The following STOX2 variants were observed in gnomAD, a reference collection of about 807,000 sequenced individuals.
STOX2 encodes storkhead box 2, also known as storkhead-box protein 2.
A neutral mutation model predicts 60.9 loss-of-function variants in STOX2; 28 were observed. The observed-to-expected ratio is 0.46, with a 90% CI of 0.34 to 0.63. The LOEUF (loss-of-function observed/expected upper bound fraction) is 0.63. STOX2 is among the 30% of genes least tolerant of loss of function. The pLI is 0.01. For synonymous variants in STOX2, 472 were observed against 463.9 expected, an observed-to-expected ratio of 1.02 and a Z score of -0.22; for missense variants, 1,024 against 1,187.7, an observed-to-expected ratio of 0.86 and a Z score of 2.03.
chr4:183,799,048 G>T (rs1738700599), intron 1 of STOX2, among the ~76,000 whole-genome samples: 1 of 152,302 alleles, frequency 6.6e-6, no homozygotes, highest in South Asian at 2.1e-4. Flanking sequence ...CTGTAAAGCC[G>T]CCTTTTCTCG....
At chr4:183,900,296 G>A (rs371367392) in intron 1 of STOX2, among the ~76,000 whole-genome samples, 1 of 152,146 alleles carries the variant, frequency 6.6e-6, no homozygotes, top group African/African-American at 2.4e-5. Flanking sequence ...CATGGATTAA[G>A]GAGTAATTTT....
At chr4:183,841,657 G>T (rs923150523) in intron 1 of STOX2, among the ~76,000 whole-genome samples, 1 of 152,116 alleles carries the variant, frequency 6.6e-6, no homozygotes, top group South Asian at 2.1e-4. Flanking sequence ...CAACTTTTTA[G>T]AATAGGTAAG....
At chr4:183,948,218 C>CAA (rs760286920) in intron 1 of STOX2, among the ~76,000 whole-genome samples, 8,909 of 29,866 alleles carry the variant, frequency 0.3, 3,379 homozygotes, top group Middle Eastern at 0.46. Context: ...AACTCCATCT[C>CAA]AAAAAAAAAA....
At chr4:183,922,458 G>A (rs1047888837) in intron 1 of STOX2, among the ~76,000 whole-genome samples, 2 of 151,376 alleles carry the variant, frequency 1.3e-5, no homozygotes, top group African/African-American at 4.9e-5. Flanking sequence ...GCAATTCTCT[G>A]CCTCAGCCTC....
chr4:183,866,439 C>A (rs1006579990), intron 1 of STOX2, among the ~76,000 whole-genome samples: 2 of 152,140 alleles, frequency 1.3e-5, no homozygotes, highest in African/African-American at 4.8e-5. Context: ...GAGTAGGATG[C>A]TTCAGCCTTC....
chr4:183,913,043 A>T (rs1741826264), intron 1 of STOX2, among the ~76,000 whole-genome samples: 4 of 152,166 alleles, frequency 2.6e-5, no homozygotes, highest in Non-Finnish European at 5.9e-5. Context: ...TGCAAGTGAA[A>T]CTGGAGTTCC....
chr4:184,006,044 T>A (rs978717468), intron 2 of STOX2, among the ~76,000 whole-genome samples: 3 of 152,216 alleles, frequency 2.0e-5, no homozygotes, highest in Non-Finnish European at 4.4e-5. Flanking sequence ...TAAGTAAAGA[T>A]GTTTGCATTG....
intron 1 of STOX2, among the ~76,000 whole-genome samples, chr4:183,976,349 T>C (rs1241511886): frequency 4.6e-5 from 7 of 152,040 alleles, no homozygotes; most frequent in African/African-American, 1.4e-4. Context: ...GTCAATGTAA[T>C]CTATCATATT....
chr4:183,932,829 G>A (rs1276982565), intron 1 of STOX2, among the ~76,000 whole-genome samples: 2 of 152,202 alleles, frequency 1.3e-5, no homozygotes, highest in African/African-American at 2.4e-5. Flanking sequence ...TGTGGAAGAT[G>A]TGGGTGTTTC....
At position 184,013,856 on chromosome 4, in the gene STOX2, A is replaced by G. The variant is rs1341067501; in HGVS notation, c.2585+2433A>G. ...CAGGCTGGAGTGCAGTGGTGATTGT[A>G]GCTCACTGCCGCCTGGAACTCCTGG... On this transcript the variant is annotated intron_variant, in intron 3 of 3. Transcript: ENST00000308497. 2.0e-5 allele frequency among the ~76,000 whole-genome samples: 3 copies of G among 152,286 alleles called. No homozygotes were observed. The South Asian group carries it at 6.2e-4, about 32-fold the overall frequency.
At chr4:183,990,276 C>A (rs1379896137) in intron 1 of STOX2, among the ~76,000 whole-genome samples, 1 of 152,194 alleles carries the variant, frequency 6.6e-6, no homozygotes, top group East Asian at 1.9e-4. Flanking sequence ...TCCCTAATCA[C>A]CCCAACAGGA....
At position 184,010,648 on chromosome 4, in the gene STOX2, A is replaced by G. The variant is rs202151954; in HGVS notation, c.1810A>G (p.Asn604Asp). Residue 604 changes from asparagine to aspartate, a missense_variant, in exon 3 of 4, where the codon AAC becomes GAC. Around this residue, in one of 3 missense-constraint regions of STOX2, gnomAD observed 922 missense variants for 1,058.3 expected, o/e 0.87. Coordinates refer to ENST00000308497, the MANE Select transcript of STOX2 (RefSeq NM_020225.3). The surrounding 1 kb of genome is among the most constrained non-coding windows in gnomAD (Gnocchi z 4.5). ...AGCCACAGATGACTATTTCCAGTGCAACACCTCTAGTGAGACGGTGCTCAC... is the reference window on the plus strand; with the variant it reads ...AGCCACAGATGACTATTTCCAGTGCGACACCTCTAGTGAGACGGTGCTCAC... Reference protein sequence around the residue: ...KTATDDYFQCNTSSETVLTAP... With the variant: ...KTATDDYFQCDTSSETVLTAP... The G allele has an allele frequency of 1.2e-6, 2 of 1,613,964 alleles. No individual in the cohort carries two copies. The highest frequency in any genetic ancestry group is 1.7e-6 in the Non-Finnish European group (2 of 1,179,914).
At chr4:183,980,978 A>G (rs917385941) in intron 1 of STOX2, among the ~76,000 whole-genome samples, 7 of 152,220 alleles carry the variant, frequency 4.6e-5, no homozygotes, top group African/African-American at 1.4e-4. Flanking sequence ...AATTCCAGCT[A>G]AAAGAGCTCT....
In STOX2 at chr4:184,010,769, C is replaced by G; in HGVS notation, c.1931C>G (p.Pro644Arg). Residue 644 changes from proline to arginine, a missense_variant, in exon 3 of 4, where the codon CCC becomes CGC. This residue lies in a region of STOX2 where 922 missense variants were observed against 1,058.3 expected (regional missense o/e 0.87). Transcript: ENST00000308497. This position sits in a 1 kb window ranked among gnomAD's most constrained non-coding sequence, Gnocchi z 4.5. Reference sequence around the variant, plus strand: ...CTCTCCCCTTCTGATAGGCAGGTCCCCCACTCCTCCAGGGAGCCTGTGGGG... The same window carrying G: ...CTCTCCCCTTCTGATAGGCAGGTCCGCCACTCCTCCAGGGAGCCTGTGGGG... Reference protein sequence around the residue: ...KKLSPSDRQVPHSSREPVGHK... With the variant: ...KKLSPSDRQVRHSSREPVGHK... 6.3e-7 allele frequency: 1 copy of G among 1,581,338 alleles called. No homozygotes were observed. Among genetic ancestry groups the G allele is most frequent in the African/African-American group, 1.3e-5 (1 of 74,100 alleles).
At chr4:183,872,684 G>A (rs1341667971) in intron 1 of STOX2, among the ~76,000 whole-genome samples, 1 of 152,154 alleles carries the variant, frequency 6.6e-6, no homozygotes, top group Middle Eastern at 3.2e-3. Flanking sequence ...CTGTTGCTAG[G>A]GTAAGCGTGC....
chr4:184,011,904 A>T lies in STOX2; in HGVS notation c.2585+481A>T, dbSNP rs1734189968. On this transcript the variant is annotated intron_variant, in intron 3 of 3. Transcript: ENST00000308497. This position sits in a 1 kb window ranked among gnomAD's most constrained non-coding sequence, Gnocchi z 4.4. ...ATCTCAAAACCTCTCCAATGGATCT[A>T]GAAGCTTGTTGCCATTTGGATCCCA... Among the ~76,000 whole-genome samples the T allele has an allele frequency of 6.6e-6, 1 of 152,212 alleles. No individual in the cohort carries two copies. The highest frequency in any genetic ancestry group is 1.5e-5 in the Non-Finnish European group (1 of 68,038).
At chr4:183,935,167 C>T (rs1208070013) in intron 1 of STOX2, among the ~76,000 whole-genome samples, 1 of 152,204 alleles carries the variant, frequency 6.6e-6, no homozygotes, top group Non-Finnish European at 1.5e-5. Flanking sequence ...AGATACTCCC[C>T]AGCATGGATG....
chr4:183,894,839 C>T (rs9993857), intron 1 of STOX2, among the ~76,000 whole-genome samples: 6,581 of 152,264 alleles, frequency 0.043, 462 homozygotes, highest in African/African-American at 0.15. Context: ...CTCTCGGTCT[C>T]TTGCACCATC....
intron 1 of STOX2, among the ~76,000 whole-genome samples, chr4:183,828,385 G>A (rs962089892): frequency 1.3e-5 from 2 of 152,126 alleles, no homozygotes; most frequent in South Asian, 2.1e-4. Context: ...GGTGTGGCTC[G>A]GGGGATGTGT....
Sources: gnomAD v4.1 joint callset for allele counts (sites outside exome capture counted in the v4.1 genomes callset) on GRCh38, gnomAD v4.1.1 for gene constraint, gnomAD v4.1.1 regional missense constraint, Gnocchi (gnomAD v3.1) non-coding constraint, MANE v1.5 for transcripts, NCBI Gene and HGNC (gene_info 2026-07-23, HGNC 2026-07-21) for gene names.